Variants in ATP13A5 observed in about 807,000 individuals in gnomAD.
ATP13A5 encodes probable cation-transporting ATPase 13A5.
In ATP13A5, 149 loss-of-function variants were observed where a neutral mutation model predicts 150.2. That is an observed-to-expected ratio of 0.99 (90% CI 0.87 to 1.14). The LOEUF (loss-of-function observed/expected upper bound fraction) is 1.14. ATP13A5 is among the 50% of genes most tolerant of loss of function. The pLI is 0.00. For missense variants in ATP13A5, 1,383 were observed against 1,449.3 expected (o/e 0.95, Z 0.74); for synonymous variants, 497 against 522.2 (o/e 0.95, Z 0.66).
chr3:193,351,192 G>A lies in ATP13A5; in HGVS notation c.616C>T (p.Pro206Ser). The change falls in exon 7 of 30, where the codon CCA becomes TCA. Residue 206 changes from proline to serine, a missense_variant. Pro to Ser is a moderately conservative substitution (Grantham distance 74, BLOSUM62 -1). Transcript: ENST00000342358. ...WKLLVKQVLN[P>S]FYVFQAFTLT... is the part of the protein sequence containing the mutation. ...GTGAAGGCTTGGAACACATAGAATG[G>A]ATTTAAAACCTGCAGGCACAAAAAT... 1.2e-6 allele frequency: 2 copies of A among 1,613,646 alleles called. No homozygotes were observed. Among genetic ancestry groups the A allele is most frequent in the South Asian group, 2.2e-5 (2 of 91,036 alleles).
At chr3:193,346,478 G>A (rs934042702) in intron 7 of ATP13A5, among the ~76,000 whole-genome samples, 1 of 152,158 alleles carries the variant, frequency 6.6e-6, no homozygotes, top group African/African-American at 2.4e-5. Flanking sequence ...GCCAGCCCTG[G>A]AAGGTACTGC....
chr3:193,367,427 C>A (rs1048259092), intron 1 of ATP13A5, among the ~76,000 whole-genome samples: 2 of 152,000 alleles, frequency 1.3e-5, no homozygotes, highest in Non-Finnish European at 1.5e-5. Context: ...TGATACTATT[C>A]TTTTACAAAC....
chr3:193,371,747 A>G (rs1713449483), intron 1 of ATP13A5, among the ~76,000 whole-genome samples: 1 of 152,138 alleles, frequency 6.6e-6, no homozygotes, highest in Admixed American at 6.6e-5. Flanking sequence ...TGCTTTAACT[A>G]TCTCTGACTT....
chr3:193,364,272 A>G lies in ATP13A5; in HGVS notation c.72T>C (p.Phe24=). ...TCCGTACATTGTGGTCCCGGTAACCAAACACCTCCTGGAGAATAAATTTAA... is the reference window on the plus strand; with the variant it reads ...TCCGTACATTGTGGTCCCGGTAACCGAACACCTCCTGGAGAATAAATTTAA... ...NQGEEDELEV[F]GYRDHNVRKA... The change falls in exon 2 of 30, where the codon TTT becomes TTC. Residue 24 remains phenylalanine (F), a synonymous_variant. Coordinates refer to ENST00000342358, the MANE Select transcript of ATP13A5 (RefSeq NM_198505.4). 6.2e-7 allele frequency: 1 copy of G among 1,613,002 alleles called. No individual in the cohort carries two copies. Among genetic ancestry groups the G allele is most frequent in the Non-Finnish European group, 8.5e-7 (1 of 1,179,500 alleles).
intron 7 of ATP13A5, among the ~76,000 whole-genome samples, chr3:193,345,371 A>G (rs985876343): frequency 1.3e-5 from 2 of 152,202 alleles, no homozygotes; most frequent in South Asian, 4.1e-4. Context: ...CTTTAGACAA[A>G]TTAAATTTAA....
At chr3:193,339,889 A>G (rs1313729604) in intron 9 of ATP13A5, among the ~76,000 whole-genome samples, 1 of 152,186 alleles carries the variant, frequency 6.6e-6, no homozygotes, top group Non-Finnish European at 1.5e-5. Flanking sequence ...ATGAAACTGG[A>G]GGCAGTCATG....
chr3:193,357,879 AATTT>A (rs1438554595), intron 5 of ATP13A5, among the ~76,000 whole-genome samples: 3 of 152,248 alleles, frequency 2.0e-5, no homozygotes, highest in Admixed American at 2.0e-4. Flanking sequence ...AATCTGTTAG[AATTT>A]ATTTATTTCT....
chr3:193,282,703 G>C (rs1302807907), intron 27 of ATP13A5, among the ~76,000 whole-genome samples: 1 of 152,188 alleles, frequency 6.6e-6, no homozygotes, highest in African/African-American at 2.4e-5. Flanking sequence ...TAAATGTGCA[G>C]GCAGGATTTG....
At chr3:193,293,088 A>G (rs963999066) in intron 25 of ATP13A5, among the ~76,000 whole-genome samples, 2 of 152,114 alleles carry the variant, frequency 1.3e-5, no homozygotes, top group Non-Finnish European at 2.9e-5. Flanking sequence ...CTTTGCTTAA[A>G]GACCCACAGT....
rs9291055 is a variant in ATP13A5, at chr3:193,331,521, C to G, written c.1273-210G>C. On this transcript the variant is annotated intron_variant, in intron 11 of 29. Coordinates refer to ENST00000342358, the MANE Select transcript of ATP13A5 (RefSeq NM_198505.4). The stretch of plus-strand genomic sequence containing the variant: ...AGCTTGACTGTTGGCTTATGAATCT[C>G]TCTCCCCCACTAGCCTACAAACTCC... Among the ~76,000 whole-genome samples, 1,144 of 152,268 alleles carry G rather than the reference C, an allele frequency of 7.5e-3. 12 individuals carry two copies. Among genetic ancestry groups the G allele is most frequent in the African/African-American group, 0.026 (1,073 of 41,558 alleles).
At chr3:193,310,558 T>C (rs1319907882) in intron 21 of ATP13A5, 80 bp downstream of exon 21, 8 of 1,162,282 alleles carry the variant, frequency 6.9e-6, no homozygotes, top group Non-Finnish European at 9.8e-6. Flanking sequence ...ATAATAGCCA[T>C]TCTGACTCAC....
At chr3:193,291,011 T>G (rs1717928997) in intron 25 of ATP13A5, among the ~76,000 whole-genome samples, 1 of 152,118 alleles carries the variant, frequency 6.6e-6, no homozygotes, top group Non-Finnish European at 1.5e-5. Flanking sequence ...TGTGCATATT[T>G]AAGTTTGTAT....
intron 1 of ATP13A5, among the ~76,000 whole-genome samples, chr3:193,366,035 G>C (rs1024476153): frequency 4.6e-5 from 7 of 152,030 alleles, no homozygotes; most frequent in Non-Finnish European, 8.8e-5. Context: ...AAATGAGAAA[G>C]TTTTGCATAT....
At position 193,354,180 on chromosome 3, in the gene ATP13A5, G is replaced by A. The variant is rs1577367331; in HGVS notation, c.553C>T (p.Pro185Ser). 1 of 1,612,422 alleles carries A rather than the reference G, an allele frequency of 6.2e-7. No individual in the cohort carries two copies. Among genetic ancestry groups the A allele is most frequent in the South Asian group, 1.1e-5 (1 of 90,530 alleles). The change falls in exon 6 of 30, where the codon CCC becomes TCC. Residue 185 changes from proline (P) to serine (S), a missense_variant. Around this residue, in one of 3 missense-constraint regions of ATP13A5, gnomAD observed 787 missense variants for 771.9 expected, o/e 1.02. Coordinates refer to ENST00000342358, the MANE Select transcript of ATP13A5 (RefSeq NM_198505.4). The part of the protein sequence containing the change: ...EQEVRRLVCG[P>S]NAIEVEIQPI... ...TGGATTTCAACCTCAATGGCGTTGG[G>A]CCCACACACTAATCTTCTGCGGGAA...
intron 9 of ATP13A5, among the ~76,000 whole-genome samples, chr3:193,338,949 T>C (rs1268148276): frequency 6.6e-6 from 1 of 152,216 alleles, no homozygotes; most frequent in African/African-American, 2.4e-5. Context: ...AACTTCTTCC[T>C]GGTTTAGTCT....
At chr3:193,294,749 AT>A (rs1276178064) in intron 25 of ATP13A5, among the ~76,000 whole-genome samples, 1 of 152,100 alleles carries the variant, frequency 6.6e-6, no homozygotes, top group East Asian at 1.9e-4. Flanking sequence ...CCCATTGTAA[AT>A]TGAAAACATT....
intron 11 of ATP13A5, among the ~76,000 whole-genome samples, chr3:193,332,676 C>A (rs1460392836): frequency 6.6e-6 from 1 of 152,036 alleles, no homozygotes; most frequent in African/African-American, 2.4e-5. Flanking sequence ...CAACCACAGA[C>A]ACGGAAGAGT....
At chr3:193,300,969 G>T (rs946830970) in intron 24 of ATP13A5, among the ~76,000 whole-genome samples, 1 of 152,168 alleles carries the variant, frequency 6.6e-6, no homozygotes, top group Non-Finnish European at 1.5e-5. Context: ...GGGGTTTGGA[G>T]AGGTGAAGAG....
At chr3:193,345,879 T>G (rs1712316532) in intron 7 of ATP13A5, among the ~76,000 whole-genome samples, 3 of 152,126 alleles carry the variant, frequency 2.0e-5, no homozygotes, top group Non-Finnish European at 2.9e-5. Flanking sequence ...TCTGTCTCCT[T>G]GTCTGTAAAA....
Sources: gnomAD v4.1 joint callset for allele counts (sites outside exome capture counted in the v4.1 genomes callset) on GRCh38, gnomAD v4.1.1 for gene constraint, gnomAD v4.1.1 regional missense constraint, MANE v1.5 for transcripts, NCBI Gene and HGNC (gene_info 2026-07-23, HGNC 2026-07-21) for gene names.